Variants in SRGAP3 observed in about 807,000 individuals in gnomAD.
The protein encoded by SRGAP3 is SLIT-ROBO Rho GTPase activating protein 3.
In SRGAP3, 39 loss-of-function variants were observed where a neutral mutation model predicts 121.1. The ratio of observed to expected loss-of-function variants is 0.32; its 90% CI spans 0.25 to 0.42. The LOEUF is 0.42. Among genes scored for constraint, SRGAP3 ranks in the 10% least tolerant of loss-of-function variants. SRGAP3 has a pLI of 1.00. For missense variants in SRGAP3, 1,213 were observed against 1,470.6 expected (o/e 0.82, Z 2.86); for synonymous variants, 601 against 570.0 (o/e 1.05, Z -0.77).
intron 1 of SRGAP3, among the ~76,000 whole-genome samples, chr3:9,221,011 T>C (rs1952794821): frequency 6.6e-6 from 1 of 152,206 alleles, no homozygotes; most frequent in Admixed American, 6.5e-5. Flanking sequence ...TAGTCCCCAG[T>C]GCCTGAGTCT....
chr3:9,002,651 G>A (rs1361649084), intron 18 of SRGAP3, among the ~76,000 whole-genome samples: 1 of 152,036 alleles, frequency 6.6e-6, no homozygotes, highest in Non-Finnish European at 1.5e-5. Context: ...GAAACCAAAA[G>A]CTGGTTCTTT....
At chr3:9,358,023 C>T (rs571230651) in intron 1 of SRGAP3, among the ~76,000 whole-genome samples, 5 of 152,068 alleles carry the variant, frequency 3.3e-5, no homozygotes, top group African/African-American at 9.7e-5. Flanking sequence ...TAGAGATGCA[C>T]GCCACCACAC....
At position 8,993,158 on chromosome 3, in the gene SRGAP3, A is replaced by G; in HGVS notation, c.2409-103T>C. ...CTGAGGGGCTGAATTAACACAACTT[A>G]TGGTTACTTTGTGCCCACAGCGCTT... is the stretch of plus-strand genomic sequence containing the variant. On this transcript the variant is annotated intron_variant, in intron 19 of 21. Coordinates refer to ENST00000383836, the MANE Select transcript of SRGAP3 (RefSeq NM_014850.4). The G allele has an allele frequency of 3.2e-6, 5 of 1,566,652 alleles. No homozygotes were observed. The South Asian group carries it at 3.4e-5, about 11-fold the overall frequency.
intron 14 of SRGAP3, among the ~76,000 whole-genome samples, chr3:9,018,994 AGAAATCCTG>A (rs1300547243): frequency 6.6e-6 from 1 of 152,242 alleles, no homozygotes; most frequent in Admixed American, 6.5e-5. Flanking sequence ...TCACTTAACA[AGAAATCCTG>A]GAAATCCCTC....
intron 1 of SRGAP3, among the ~76,000 whole-genome samples, chr3:9,151,713 G>C (rs1412272219): frequency 6.6e-6 from 1 of 152,174 alleles, no homozygotes; most frequent in Non-Finnish European, 1.5e-5. Flanking sequence ...CCAGCAACAG[G>C]GTCAGCAGGT....
chr3:9,121,463 T>A (rs1949001166), intron 2 of SRGAP3, among the ~76,000 whole-genome samples: 1 of 152,186 alleles, frequency 6.6e-6, no homozygotes, highest in Admixed American at 6.5e-5. Context: ...GAGTCCAGCC[T>A]GCCCCTAGAG....
At chr3:9,235,050 A>G (rs1377526352) in intron 1 of SRGAP3, among the ~76,000 whole-genome samples, 1 of 152,130 alleles carries the variant, frequency 6.6e-6, no homozygotes, top group Non-Finnish European at 1.5e-5. Flanking sequence ...CCCCAGTTTT[A>G]CCCAAATCAC....
intron 1 of SRGAP3, among the ~76,000 whole-genome samples, chr3:9,345,717 T>C (rs534782591): frequency 1.9e-4 from 26 of 135,538 alleles, no homozygotes; most frequent in African/African-American, 6.9e-4. Flanking sequence ...ACACGGGAGA[T>C]GGAGGTTGCA....
intron 17 of SRGAP3, among the ~76,000 whole-genome samples, chr3:9,011,154 T>C (rs1335141977): frequency 1.3e-5 from 2 of 152,028 alleles, no homozygotes; most frequent in East Asian, 3.8e-4. Flanking sequence ...GTTGCTTACA[T>C]TGTAGGGAGA....
chr3:9,272,892 T>C (rs887595258), intron 3 of SRGAP3, among the ~76,000 whole-genome samples: 1 of 152,174 alleles, frequency 6.6e-6, no homozygotes, highest in African/African-American at 2.4e-5. Context: ...AGTTTCAATT[T>C]CTCCACTTCC....
At chr3:9,187,433 T>C (rs933179341) in intron 1 of SRGAP3, among the ~76,000 whole-genome samples, 1 of 152,006 alleles carries the variant, frequency 6.6e-6, no homozygotes, top group African/African-American at 2.4e-5. Context: ...CTGTGCTGAG[T>C]GCTCCACATC....
chr3:9,257,138 A>T, intron 3 of SRGAP3: 1 of 320,820 alleles, frequency 3.1e-6, no homozygotes, highest in East Asian at 4.8e-5. Flanking sequence ...AATAATTTAC[A>T]CCTTATATTT....
intron 1 of SRGAP3, among the ~76,000 whole-genome samples, chr3:9,222,105 C>T (rs150501009): frequency 2.2e-3 from 332 of 152,250 alleles, no homozygotes; most frequent in African/African-American, 7.9e-3. Flanking sequence ...CTAGGTTGAT[C>T]CCTTCAGAGT....
intron 1 of SRGAP3, among the ~76,000 whole-genome samples, chr3:9,334,967 G>C (rs1441002668): frequency 6.6e-6 from 1 of 152,194 alleles, no homozygotes. Context: ...GGCTGGAAAT[G>C]TACCTGCCTA....
intron 3 of SRGAP3, among the ~76,000 whole-genome samples, chr3:9,302,964 C>CTTTA (rs34681404): frequency 0.81 from 122,442 of 151,864 alleles, 49,729 homozygotes; most frequent in East Asian, 0.93. Context: ...TTTGTCACCA[C>CTTTA]TTTTGAAATA....
At chr3:9,070,509 T>C (rs1222307788) in intron 4 of SRGAP3, among the ~76,000 whole-genome samples, 2 of 152,224 alleles carry the variant, frequency 1.3e-5, no homozygotes, top group Admixed American at 6.5e-5. Flanking sequence ...TTTGCATGAA[T>C]GAATGACTGG....
At chr3:9,358,068 T>C (rs2030613913) in intron 1 of SRGAP3, among the ~76,000 whole-genome samples, 1 of 152,130 alleles carries the variant, frequency 6.6e-6, no homozygotes, top group South Asian at 2.1e-4. Flanking sequence ...AGAGACGGGC[T>C]TTCACCATGT....
At chr3:9,276,201 C>A (rs1186517086) in intron 3 of SRGAP3, among the ~76,000 whole-genome samples, 1 of 152,164 alleles carries the variant, frequency 6.6e-6, no homozygotes, top group Non-Finnish European at 1.5e-5. Flanking sequence ...TTCTGCAGAG[C>A]CCAGGTCAGC....
At chr3:9,356,492 C>T (rs2030521245) in intron 1 of SRGAP3, among the ~76,000 whole-genome samples, 1 of 151,140 alleles carries the variant, frequency 6.6e-6, no homozygotes, top group Admixed American at 6.6e-5. Context: ...CCTGCCTCAG[C>T]CTCCTGCGTA....
Sources: gnomAD v4.1 joint callset for allele counts (sites outside exome capture counted in the v4.1 genomes callset) on GRCh38, gnomAD v4.1.1 for gene constraint, MANE v1.5 for transcripts, NCBI Gene and HGNC (gene_info 2026-07-23, HGNC 2026-07-21) for gene names.